Variants in CDH13 observed in about 807,000 individuals in gnomAD.
CDH13 encodes cadherin 13, also known as cadherin-13.
Under a neutral mutation model 63.8 loss-of-function variants are expected in CDH13, and 24 were observed. The observed-to-expected ratio is 0.38, with a 90% CI of 0.27 to 0.53. The LOEUF is 0.53. Among genes scored for constraint, CDH13 ranks in the 20% least tolerant of loss-of-function variants. The pLI, the probability that CDH13 is intolerant of heterozygous loss-of-function variation, is 0.85. For missense variants in CDH13, 1,049 were observed against 903.1 expected (o/e 1.16, Z -2.07); for synonymous variants, 503 against 355.3 (o/e 1.42, Z -4.67).
At chr16:83,483,397 A>G (rs1017313564) in intron 6 of CDH13, among the ~76,000 whole-genome samples, 8 of 152,198 alleles carry the variant, frequency 5.3e-5, no homozygotes, top group African/African-American at 1.7e-4. Context: ...ATGTTATCCA[A>G]CCTGTAAACA....
chr16:83,166,807 A>C (rs1454718773), intron 4 of CDH13, among the ~76,000 whole-genome samples: 1 of 152,156 alleles, frequency 6.6e-6, no homozygotes, highest in Non-Finnish European at 1.5e-5. Flanking sequence ...TTACAGAATG[A>C]GGTGTTCTTA....
At chr16:83,018,783 C>A (rs561703735) in intron 2 of CDH13, among the ~76,000 whole-genome samples, 2 of 152,168 alleles carry the variant, frequency 1.3e-5, no homozygotes, top group Admixed American at 1.3e-4. Context: ...ATATATAGCA[C>A]GGTGCTGTAC....
intron 2 of CDH13, among the ~76,000 whole-genome samples, chr16:83,012,525 G>A (rs558226338): frequency 3.3e-5 from 5 of 151,926 alleles, no homozygotes; most frequent in South Asian, 2.1e-4. Context: ...AGACATCTTC[G>A]TCATTTGGGG....
At chr16:83,479,914 C>A (rs28532716) in intron 6 of CDH13, among the ~76,000 whole-genome samples, 34,482 of 151,916 alleles carry the variant, frequency 0.23, 4,071 homozygotes, top group African/African-American at 0.28. Flanking sequence ...GGTGTCAAGT[C>A]GAATAAATGT....
intron 1 of CDH13, chr16:82,844,771 C>T (rs2039187865): frequency 6.9e-6 from 1 of 145,874 alleles, no homozygotes; most frequent in African/African-American, 2.5e-5. Context: ...TCCTGAGTAT[C>T]TGGGACTACA....
intron 7 of CDH13, among the ~76,000 whole-genome samples, chr16:83,552,722 C>T (rs1461167262): frequency 1.3e-5 from 2 of 152,150 alleles, no homozygotes; most frequent in African/African-American, 4.8e-5. Flanking sequence ...TGAAACCTGG[C>T]AAAAGAGATT....
intron 4 of CDH13, among the ~76,000 whole-genome samples, chr16:83,160,881 G>A (rs967426257): frequency 4.6e-5 from 7 of 152,130 alleles, no homozygotes; most frequent in African/African-American, 7.2e-5. Flanking sequence ...GTTTGTCTGG[G>A]ATGTTATGTC....
At chr16:83,736,572 G>A (rs1289430931) in intron 10 of CDH13, among the ~76,000 whole-genome samples, 3 of 151,818 alleles carry the variant, frequency 2.0e-5, no homozygotes, top group Admixed American at 1.3e-4. Context: ...TCTTTGCAAA[G>A]ACACTTATAA....
chr16:83,193,170 C>T (rs2038775922), intron 4 of CDH13, among the ~76,000 whole-genome samples: 1 of 151,454 alleles, frequency 6.6e-6, no homozygotes, highest in Non-Finnish European at 1.5e-5. Flanking sequence ...AAAAAAAGAT[C>T]AGGGTATTAG....
At chr16:82,698,396 C>T (rs958167803) in intron 1 of CDH13, among the ~76,000 whole-genome samples, 1 of 152,208 alleles carries the variant, frequency 6.6e-6, no homozygotes, top group Non-Finnish European at 1.5e-5. Context: ...TATCAGGTAG[C>T]TTTTGCTCTG....
At chr16:83,005,912 A>G (rs1029195001) in intron 2 of CDH13, among the ~76,000 whole-genome samples, 6 of 152,224 alleles carry the variant, frequency 3.9e-5, no homozygotes, top group Non-Finnish European at 8.8e-5. Flanking sequence ...ACATTAAAAG[A>G]TTAAGCACTG....
chr16:83,068,060 T>C lies in CDH13; in HGVS notation c.366+35842T>C, dbSNP rs77860450. 7.4e-3 allele frequency among the ~76,000 whole-genome samples: 1,129 copies of C among 152,248 alleles called. 24 individuals are homozygous for C. Among genetic ancestry groups the C allele is most frequent in the African/African-American group, 0.026 (1,085 of 41,554 alleles). ...TATTAGATCCATATGACTGCCACTT[T>C]GTGAAAGATACAAGGAGGACTTGGC... On this transcript the variant is annotated intron_variant, in intron 3 of 13. Transcript: ENST00000567109.
At chr16:82,843,698 A>G (rs888974385) in intron 1 of CDH13, among the ~76,000 whole-genome samples, 2 of 152,270 alleles carry the variant, frequency 1.3e-5, no homozygotes, top group African/African-American at 4.8e-5. Context: ...CCATGTGATG[A>G]CAAATCTGAC....
At chr16:83,423,881 C>T (rs1264374067) in intron 6 of CDH13, among the ~76,000 whole-genome samples, 1 of 152,158 alleles carries the variant, frequency 6.6e-6, no homozygotes, top group East Asian at 1.9e-4. Flanking sequence ...CTTTCTACCC[C>T]CATTTCCCTC....
At chr16:83,628,071 GT>G in intron 8 of CDH13, among the ~76,000 whole-genome samples, 1 of 152,148 alleles carries the variant, frequency 6.6e-6, no homozygotes, top group Non-Finnish European at 1.5e-5. Context: ...TGGTTTTGGT[GT>G]TTTTCCGGCT....
At chr16:83,729,893 G>T (rs918904225) in intron 10 of CDH13, among the ~76,000 whole-genome samples, 1 of 152,196 alleles carries the variant, frequency 6.6e-6, no homozygotes, top group Admixed American at 6.5e-5. Context: ...AAAAAGAAGG[G>T]TTTGGCACAC....
intron 7 of CDH13, among the ~76,000 whole-genome samples, chr16:83,595,652 G>A (rs933446208): frequency 6.6e-6 from 1 of 152,280 alleles, no homozygotes; most frequent in Middle Eastern, 3.4e-3. Flanking sequence ...AGTGTGAGAG[G>A]TTACATGGGA....
chr16:83,183,359 A>G lies in CDH13; in HGVS notation c.484-33986A>G, dbSNP rs543786601. Among the ~76,000 whole-genome samples, 53 of 152,330 alleles carry G rather than the reference A, an allele frequency of 3.5e-4. 1 individual carries two copies. The South Asian group carries it at 0.01, about 29-fold the overall frequency. ...AAGTTTCAAAATGCAGAAAATATTTATCTTCTTGCTATGACCTTCCACGCA... is the reference window on the plus strand; with the variant it reads ...AAGTTTCAAAATGCAGAAAATATTTGTCTTCTTGCTATGACCTTCCACGCA... On this transcript the variant is annotated intron_variant, in intron 4 of 13. Transcript: ENST00000567109.
chr16:83,469,349 A>G (rs1163583435), intron 6 of CDH13, among the ~76,000 whole-genome samples: 2 of 152,200 alleles, frequency 1.3e-5, no homozygotes, highest in Non-Finnish European at 2.9e-5. Context: ...GTGAACGGGC[A>G]AGTTATCCTG....
Sources: gnomAD v4.1 joint callset for allele counts (sites outside exome capture counted in the v4.1 genomes callset) on GRCh38, gnomAD v4.1.1 for gene constraint, MANE v1.5 for transcripts, NCBI Gene and HGNC (gene_info 2026-07-23, HGNC 2026-07-21) for gene names.